MYO18B: variants seen among roughly 807,000 people sequenced by gnomAD.
The protein encoded by MYO18B is myosin XVIIIB.
Under a neutral mutation model 273.0 loss-of-function variants are expected in MYO18B, and 204 were observed. The ratio of observed to expected loss-of-function variants is 0.75; its 90% confidence interval spans 0.67 to 0.84. MYO18B has a LOEUF of 0.84. Ranked by LOEUF, MYO18B falls within the 40% of genes least tolerant of loss-of-function variation. The probability of loss-of-function intolerance (pLI) is 0.00; values close to 1 mark genes in which losing one functional copy is unlikely to be tolerated. For synonymous variants in MYO18B, 1,330 were observed against 1,305.7 expected (o/e 1.02, Z -0.40); for missense variants, 3,212 against 3,287.6 (o/e 0.98, Z 0.56).
chr22:26,062,327 G>T, the MYO18B span, among the ~76,000 whole-genome samples: 11 of 152,296 alleles, frequency 7.2e-5, no homozygotes, highest in Admixed American at 3.9e-4. Flanking sequence ...TCCTTAGGGA[G>T]ACTTTTCTAA....
At chr22:25,747,504 T>C (rs2085816309) in intron 1 of MYO18B, among the ~76,000 whole-genome samples, 1 of 152,226 alleles carries the variant, frequency 6.6e-6, no homozygotes, top group Non-Finnish European at 1.5e-5. Flanking sequence ...CTCATCAGCC[T>C]GTAGGAGTGG....
chr22:25,789,541 C>A (rs1259630405), intron 11 of MYO18B, among the ~76,000 whole-genome samples: 4 of 151,576 alleles, frequency 2.6e-5, no homozygotes, highest in Non-Finnish European at 5.9e-5. Flanking sequence ...GAGGCTGAGG[C>A]AGGAGAATCA....
chr22:25,946,920 G>A (rs1228253369), intron 35 of MYO18B, among the ~76,000 whole-genome samples: 1 of 152,138 alleles, frequency 6.6e-6, no homozygotes, highest in East Asian at 1.9e-4. Context: ...ATATATTGTC[G>A]ATGTATTATT....
At chr22:25,825,500 C>G (rs1423808257) in intron 13 of MYO18B, among the ~76,000 whole-genome samples, 2 of 152,198 alleles carry the variant, frequency 1.3e-5, no homozygotes, top group Non-Finnish European at 2.9e-5. Flanking sequence ...GCACCCTAAT[C>G]AAGGCTGGTG....
chr22:25,913,776 G>A (rs774822286), intron 33 of MYO18B, among the ~76,000 whole-genome samples: 3 of 152,082 alleles, frequency 2.0e-5, no homozygotes, highest in Non-Finnish European at 4.4e-5. Context: ...TTTTGGTTAC[G>A]TATTTTGCAA....
At chr22:25,825,183 T>TG (rs2089447621) in intron 13 of MYO18B, among the ~76,000 whole-genome samples, 3 of 152,142 alleles carry the variant, frequency 2.0e-5, no homozygotes, top group South Asian at 2.1e-4. Flanking sequence ...GAGTCTGAGT[T>TG]AACCTCTCAG....
Position 25,851,539 on chromosome 22 carries a change from A to G in MYO18B, c.3845A>G (p.Lys1282Arg). 6.4e-7 allele frequency: 1 copy of G among 1,560,800 alleles called. No homozygotes were observed. The highest frequency in any genetic ancestry group is 8.7e-7 in the Non-Finnish European group (1 of 1,152,000). Reference sequence around the variant, plus strand: ...CAGGTGCTGGACGCTCCACTCCTGAAGAAGCTCATGTCGACCTCCGAGGGA... The same window carrying G: ...CAGGTGCTGGACGCTCCACTCCTGAGGAAGCTCATGTCGACCTCCGAGGGA... ...QFQVLDAPLL[K>R]KLMSTSEGID... The change falls in exon 21 of 44, where the codon AAG becomes AGG. Residue 1282 changes from lysine to arginine, a missense_variant. Physicochemically the swap from Lys to Arg is conservative, Grantham distance 26 (BLOSUM62 2). Coordinates refer to ENST00000335473, the MANE Select transcript of MYO18B (RefSeq NM_032608.7).
At chr22:25,840,548 G>A (rs1201948828) in intron 17 of MYO18B, among the ~76,000 whole-genome samples, 2 of 152,282 alleles carry the variant, frequency 1.3e-5, no homozygotes, top group Non-Finnish European at 2.9e-5. Context: ...TGACAGGGGC[G>A]AGGCTGGTCA....
intron 24 of MYO18B, among the ~76,000 whole-genome samples, chr22:25,877,595 A>G (rs957132067): frequency 2.0e-5 from 3 of 152,024 alleles, no homozygotes; most frequent in Non-Finnish European, 4.4e-5. Flanking sequence ...AAGCCTCCCA[A>G]GTAGCTGGGA....
At chr22:25,786,917 G>A (rs112423729) in intron 11 of MYO18B, among the ~76,000 whole-genome samples, 5 of 152,296 alleles carry the variant, frequency 3.3e-5, no homozygotes, top group African/African-American at 1.2e-4. Flanking sequence ...AACATCATTG[G>A]TCATTAAAGA....
At chr22:25,810,242 C>G (rs5761244) in intron 12 of MYO18B, among the ~76,000 whole-genome samples, 9,917 of 150,558 alleles carry the variant, frequency 0.066, 569 homozygotes, top group East Asian at 0.21. Flanking sequence ...GGACTACAGG[C>G]GCCCACCACC....
chr22:25,951,385 A>G (rs1374139058), intron 37 of MYO18B, among the ~76,000 whole-genome samples: 1 of 152,182 alleles, frequency 6.6e-6, no homozygotes, highest in African/African-American at 2.4e-5. Context: ...AGGTGAATTG[A>G]GACCAGTCCT....
chr22:25,957,561 C>T (rs543483657), intron 39 of MYO18B, among the ~76,000 whole-genome samples: 1 of 152,318 alleles, frequency 6.6e-6, no homozygotes, highest in South Asian at 2.1e-4. Context: ...ATTGCCATAG[C>T]AAATTATCAC....
At chr22:25,932,864 G>GGTT (rs2092527064) in intron 34 of MYO18B, among the ~76,000 whole-genome samples, 3 of 151,960 alleles carry the variant, frequency 2.0e-5, no homozygotes, top group Admixed American at 6.6e-5. Flanking sequence ...CATTTAAGGT[G>GGTT]GTTATGTAAG....
At chr22:25,899,701 C>G (rs1342220362) in intron 29 of MYO18B, 3 of 152,260 alleles carry the variant, frequency 2.0e-5, no homozygotes, top group Middle Eastern at 6.8e-3. Context: ...TGTGGGTGCT[C>G]TGGCTGAACC....
intron 31 of MYO18B, among the ~76,000 whole-genome samples, chr22:25,906,072 G>T (rs1601537393): frequency 6.6e-6 from 1 of 152,176 alleles, no homozygotes; most frequent in African/African-American, 2.4e-5. Flanking sequence ...GAATTTCCAT[G>T]CTCAGTTCAC....
At chr22:25,833,029 A>C in intron 16 of MYO18B, 32 bp downstream of exon 16, 4 of 1,589,482 alleles carry the variant, frequency 2.5e-6, no homozygotes, top group South Asian at 1.1e-5. Flanking sequence ...CCAGGCTCTC[A>C]GATGCCAGTT....
At position 25,883,559 on chromosome 22, in the gene MYO18B, G is replaced by A. The variant is rs1393414317; in HGVS notation, c.4314+5511G>A. ...GACACATTAGGCCAGAGAACAGCTA[G>A]AAGATATCTTCTTCCATGTGCATCT... On this transcript the variant is annotated intron_variant, in intron 25 of 43. Transcript: ENST00000335473. This position sits in a 1 kb window ranked among gnomAD's most constrained non-coding sequence, Gnocchi z 7.6. The A allele has an allele frequency of 6.6e-6, 1 of 152,232 alleles. No homozygotes were observed. The highest frequency in any genetic ancestry group is 1.5e-5 in the Non-Finnish European group (1 of 68,060). 9.4% of individuals were successfully genotyped at this position (152,232 alleles called of 1,614,324 possible). A position where few individuals can be genotyped will look rare whatever the true frequency, so the allele number is the denominator to read the frequency against.
chr22:25,836,657 C>T (rs1333248714), intron 17 of MYO18B, among the ~76,000 whole-genome samples: 1 of 152,072 alleles, frequency 6.6e-6, no homozygotes, highest in African/African-American at 2.4e-5. Context: ...CAACACTAGG[C>T]ACTTAAGAAG....
Sources: allele counts gnomAD v4.1 joint callset (sites outside exome capture counted in the v4.1 genomes callset), GRCh38; gene constraint gnomAD v4.1.1; non-coding constraint Gnocchi (gnomAD v3.1); transcripts MANE v1.5; gene names NCBI Gene and HGNC (gene_info 2026-07-23, HGNC 2026-07-21).